Variants in MAGI2 observed in about 807,000 individuals in gnomAD.
The protein encoded by MAGI2 is membrane associated guanylate kinase, WW and PDZ domain containing 2, also known as membrane-associated guanylate kinase, WW and PDZ domain-containing protein 2.
MAGI2 carries 35 observed loss-of-function variants against 133.3 expected under a neutral mutation model. The observed-to-expected ratio is 0.26, with a 90% CI of 0.20 to 0.35. The LOEUF (loss-of-function observed/expected upper bound fraction) is 0.35, where lower values mean the gene tolerates loss of function less well. MAGI2 is among the 10% of genes least tolerant of loss of function. The probability of loss-of-function intolerance (pLI) is 1.00; values close to 1 mark genes in which losing one functional copy is unlikely to be tolerated. For synonymous variants in MAGI2, 729 were observed against 710.6 expected (o/e 1.03, Z -0.41); for missense variants, 1,636 against 1,863.4 (o/e 0.88, Z 2.25).
At chr7:78,561,928 A>G (rs1008478961) in intron 3 of MAGI2, among the ~76,000 whole-genome samples, 2 of 152,160 alleles carry the variant, frequency 1.3e-5, no homozygotes, top group African/African-American at 4.8e-5. Context: ...GAAAACCACA[A>G]GGAGGAGAGG....
Position 79,448,239 on chromosome 7 carries a change from T to C in MAGI2, c.301+4781A>G, listed in dbSNP as rs533276899. On this transcript the variant is annotated intron_variant, in intron 1 of 21. Coordinates refer to ENST00000354212, the MANE Select transcript of MAGI2 (RefSeq NM_012301.4). ...TAAAAAGTGAAAATATTTTCCATTG[T>C]ATTTATTGATATTATTCTTCAAATA... Among the ~76,000 whole-genome samples the C allele has an allele frequency of 1.3e-4, 20 of 152,212 alleles. 1 individual carries two copies. In the South Asian group the frequency reaches 4.1e-3, roughly 32 times the overall value.
intron 2 of MAGI2, among the ~76,000 whole-genome samples, chr7:78,677,652 A>G (rs1329375149): frequency 1.3e-5 from 2 of 152,288 alleles, no homozygotes; most frequent in East Asian, 3.9e-4. Context: ...TTCTGAGTTA[A>G]GAAGTCTTCC....
At chr7:79,354,815 T>C (rs1470839793) in intron 1 of MAGI2, among the ~76,000 whole-genome samples, 2 of 152,178 alleles carry the variant, frequency 1.3e-5, no homozygotes, top group Non-Finnish European at 2.9e-5. Context: ...AGGCATTTGA[T>C]AGCTTACTCA....
intron 2 of MAGI2, among the ~76,000 whole-genome samples, chr7:78,879,572 A>G (rs969773477): frequency 2.0e-5 from 3 of 152,162 alleles, no homozygotes; most frequent in African/African-American, 7.2e-5. Flanking sequence ...TGGGAAAGAA[A>G]AAAAGTAAAA....
chr7:78,676,412 A>G (rs1815028803), intron 2 of MAGI2, among the ~76,000 whole-genome samples: 1 of 152,126 alleles, frequency 6.6e-6, no homozygotes, highest in Non-Finnish European at 1.5e-5. Flanking sequence ...TCATATTTCT[A>G]AGTGCTTGTT....
chr7:79,134,858 T>C lies in MAGI2; in HGVS notation c.302-127652A>G, dbSNP rs186794375. 1.2e-3 allele frequency among the ~76,000 whole-genome samples: 181 copies of C among 152,296 alleles called. 2 individuals are homozygous for C. The highest frequency in any genetic ancestry group is 0.012 in the Admixed American group (179 of 15,288). On this transcript the variant is annotated intron_variant, in intron 1 of 21. Transcript: ENST00000354212. ...GCATTTTCAATAGAAGGCTTTGACA[T>C]TGGCTGGTTTTCAGATAATAGATAT...
At chr7:79,211,577 A>T (rs1829499717) in intron 1 of MAGI2, among the ~76,000 whole-genome samples, 1 of 151,832 alleles carries the variant, frequency 6.6e-6, no homozygotes, top group Non-Finnish European at 1.5e-5. Context: ...CACAGGAGTC[A>T]GCCACCATGC....
chr7:78,763,379 C>A (rs1824707123), intron 2 of MAGI2, among the ~76,000 whole-genome samples: 1 of 152,132 alleles, frequency 6.6e-6, no homozygotes, highest in Non-Finnish European at 1.5e-5. Flanking sequence ...ATACTACTAG[C>A]CAATCCCAGC....
intron 1 of MAGI2, among the ~76,000 whole-genome samples, chr7:79,234,792 C>T (rs1831723311): frequency 6.6e-6 from 1 of 151,120 alleles, no homozygotes. Flanking sequence ...CTTCTCTCAG[C>T]TCGTCAAAGT....
intron 21 of MAGI2, chr7:78,073,106 A>G (rs1233590627): frequency 5.1e-6 from 2 of 395,950 alleles, no homozygotes; most frequent in East Asian, 3.6e-5. Flanking sequence ...TAACTAAACA[A>G]CTGTTTGATC....
chr7:78,374,173 C>T (rs1794213217), intron 6 of MAGI2, among the ~76,000 whole-genome samples: 1 of 152,254 alleles, frequency 6.6e-6, no homozygotes, highest in South Asian at 2.1e-4. Flanking sequence ...GAGAAACTGT[C>T]AAACTGCTTT....
At chr7:78,753,734 A>G (rs1364732172) in intron 2 of MAGI2, among the ~76,000 whole-genome samples, 1 of 151,834 alleles carries the variant, frequency 6.6e-6, no homozygotes, top group Non-Finnish European at 1.5e-5. Context: ...AAAAAAAATC[A>G]AATCATAACC....
At chr7:78,831,040 T>C (rs1791100124) in intron 2 of MAGI2, among the ~76,000 whole-genome samples, 1 of 151,112 alleles carries the variant, frequency 6.6e-6, no homozygotes, top group Non-Finnish European at 1.5e-5. Context: ...ATATAACATT[T>C]GGTTGGAAGT....
chr7:78,501,827 A>G (rs1285247454), intron 4 of MAGI2, 40 bp from the exon 5 acceptor site: 2 of 1,492,934 alleles, frequency 1.3e-6, no homozygotes, highest in African/African-American at 1.4e-5. Flanking sequence ...CACTCCAACC[A>G]TGGTAACTCT....
At chr7:78,444,867 A>C (rs2151467774) in intron 6 of MAGI2, among the ~76,000 whole-genome samples, 1 of 148,164 alleles carries the variant, frequency 6.7e-6, no homozygotes, top group East Asian at 2.0e-4. Flanking sequence ...AAAAATATAT[A>C]AATTTATATT....
At chr7:79,128,418 AC>A (rs1170043502) in intron 1 of MAGI2, among the ~76,000 whole-genome samples, 1 of 152,170 alleles carries the variant, frequency 6.6e-6, no homozygotes, top group Non-Finnish European at 1.5e-5. Flanking sequence ...TGAATGTTAA[AC>A]TTTTGAAAAC....
At chr7:78,611,816 C>T (rs1331353616) in intron 3 of MAGI2, among the ~76,000 whole-genome samples, 1 of 152,108 alleles carries the variant, frequency 6.6e-6, no homozygotes, top group Non-Finnish European at 1.5e-5. Flanking sequence ...ACATCCAGCA[C>T]AAAAAGGTTG....
intron 2 of MAGI2, among the ~76,000 whole-genome samples, chr7:78,693,305 T>C (rs930528231): frequency 6.6e-5 from 10 of 152,162 alleles, no homozygotes; most frequent in Admixed American, 5.2e-4. Flanking sequence ...ACTATTAGTA[T>C]TGGTGGCAGT....
chr7:79,382,460 A>G (rs181761691), intron 1 of MAGI2, among the ~76,000 whole-genome samples: 58 of 151,708 alleles, frequency 3.8e-4, no homozygotes, highest in Non-Finnish European at 7.2e-4. Context: ...ACAGTACCCA[A>G]CTTGGGGTTA....
Sources: allele counts gnomAD v4.1 joint callset (sites outside exome capture counted in the v4.1 genomes callset), GRCh38; gene constraint gnomAD v4.1.1; transcripts MANE v1.5; gene names NCBI Gene and HGNC (gene_info 2026-07-23, HGNC 2026-07-21).